The following SIGLEC11 variants were observed in gnomAD, a reference collection of about 807,000 sequenced individuals.
SIGLEC11 encodes the protein sialic acid-binding Ig-like lectin 11.
A neutral mutation model predicts 61.2 loss-of-function variants in SIGLEC11; 47 were observed. The observed-to-expected ratio is 0.77, with a 90% confidence interval of 0.61 to 0.98. The LOEUF (loss-of-function observed/expected upper bound fraction) is 0.98. Among genes scored for constraint, SIGLEC11 ranks in the 50% least tolerant of loss-of-function variants. The pLI is 0.00. For missense variants in SIGLEC11, 610 were observed against 870.3 expected, an observed-to-expected ratio of 0.70 and a Z score of 3.76; for synonymous variants, 278 against 373.1, an observed-to-expected ratio of 0.75 and a Z score of 2.94.
At position 49,958,009 on chromosome 19, in the gene SIGLEC11, C is replaced by CA. The variant is rs1026169612; in HGVS notation, c.1651+273dup. On this transcript the variant is annotated intron_variant, in intron 8 of 10. Transcript: ENST00000447370. Reference sequence around the variant, plus strand: ...CCATCTCAAAAAAAAAACCAAAAAACAAAAAAAACCCCTTCTTTGTCTTTA... The same window carrying CA: ...CCATCTCAAAAAAAAAACCAAAAAACAAAAAAAAACCCCTTCTTTGTCTTTA... Among the ~76,000 whole-genome samples the CA allele has an allele frequency of 9.2e-5, 14 of 151,480 alleles. No homozygotes were observed. The East Asian group carries it at 1.2e-3, about 13-fold the overall frequency.
At position 49,951,821 on chromosome 19, in the gene SIGLEC11, G is replaced by A. The variant is rs533409842; in HGVS notation, c.1830+70C>T. 7 of 1,331,398 alleles carry A rather than the reference G, an allele frequency of 5.3e-6. No homozygotes were observed. The African/African-American group carries it at 7.4e-5, about 14-fold the overall frequency. The allele number at this position is 1,331,398 out of a possible 1,614,324, so 82.5% of individuals were successfully genotyped here. A position where few individuals can be genotyped will look rare whatever the true frequency, so the allele number is the denominator to read the frequency against. On this transcript the variant is annotated intron_variant, in intron 10 of 10. Transcript: ENST00000447370. This position sits in a 1 kb window ranked among gnomAD's most constrained non-coding sequence, Gnocchi z 4.6. ...GCACAATGATTCTGCAAGTCACCAAGAGGACTACCCATGGCCATCAAGGAA... is the reference window on the plus strand; with the variant it reads ...GCACAATGATTCTGCAAGTCACCAAAAGGACTACCCATGGCCATCAAGGAA...
In SIGLEC11 at chr19:49,949,884, G is replaced by T; in HGVS notation, c.*86C>A. On this transcript the variant is annotated 3_prime_UTR_variant, in exon 11 of 11. Transcript: ENST00000447370. ...CAAACTCAAGCTCTTCATTGGGGAT[G>T]GGGCTGAAATCTGAGTCCAGTTCTG... The T allele has an allele frequency of 8.6e-6, 11 of 1,275,228 alleles. No individual in the cohort carries two copies. Among genetic ancestry groups the T allele is most frequent in the Non-Finnish European group, 1.1e-5 (11 of 991,040 alleles). The allele number at this position is 1,275,228 out of a possible 1,614,324, so 79.0% of individuals were successfully genotyped here.
chr19:49,958,847 G>A lies in SIGLEC11; in HGVS notation c.1159C>T (p.Leu387=), dbSNP rs1286350644. The change falls in exon 7 of 11, where the codon CTG becomes TTG. Residue 387 remains leucine, a synonymous_variant. Coordinates refer to ENST00000447370, the MANE Select transcript of SIGLEC11 (RefSeq NM_052884.3). ...CTGTGGGTGACACAGACCAGGCGCA[G>A]GCTTTGGCCCTCCAGGACCGGGAGG... ...TSLPVLEGQS[L]RLVCVTHSSP... 1.9e-6 allele frequency: 3 copies of A among 1,609,470 alleles called. No homozygotes were observed. Among genetic ancestry groups the A allele is most frequent in the Non-Finnish European group, 2.5e-6 (3 of 1,177,520 alleles).
In SIGLEC11 at chr19:49,958,843, C is replaced by A; in HGVS notation, c.1163G>T (p.Arg388Leu). ...SLPVLEGQSL[R>L]LVCVTHSSPP... is the part of the protein sequence containing the mutation. ...GCTGCTGTGGGTGACACAGACCAGG[C>A]GCAGGCTTTGGCCCTCCAGGACCGG... Residue 388 changes from arginine (R) to leucine (L), a missense_variant, in exon 7 of 11, where the codon CGC becomes CTC. By Grantham distance (102) the Arg-to-Leu change is moderately radical. Transcript: ENST00000447370. The A allele has an allele frequency of 6.2e-7, 1 of 1,610,442 alleles. No individual in the cohort carries two copies. The highest frequency in any genetic ancestry group is 8.5e-7 in the Non-Finnish European group (1 of 1,178,050).
At chr19:49,956,286 C>T (rs2076195604) in intron 8 of SIGLEC11, among the ~76,000 whole-genome samples, 1 of 152,200 alleles carries the variant, frequency 6.6e-6, no homozygotes, top group Non-Finnish European at 1.5e-5. Flanking sequence ...AACTAAACTG[C>T]TTAGGACAGC....
Position 49,950,068 on chromosome 19 carries a change from C to T in SIGLEC11, c.1999G>A (p.Glu667Lys), listed in dbSNP as rs768964376. Reference protein sequence around the residue: ...PADQEAPSTTEYSEIKIHTGQ... With the variant: ...PADQEAPSTTKYSEIKIHTGQ... ...GTGTGGATCTTGATCTCCGAGTACT[C>T]GGTGGTGCTGGGGGCCTCCTGGTCC... is the stretch of plus-strand genomic sequence containing the variant. Residue 667 changes from glutamate (E) to lysine (K), a missense_variant, in exon 11 of 11, where the codon GAG (glutamate) becomes AAG (lysine). Physicochemically the swap from Glu to Lys is moderately conservative, Grantham distance 56. Coordinates refer to ENST00000447370, the MANE Select transcript of SIGLEC11 (RefSeq NM_052884.3). The T allele has an allele frequency of 1.7e-5, 27 of 1,608,076 alleles. No individual in the cohort carries two copies. The highest frequency in any genetic ancestry group is 2.2e-5 in the South Asian group (2 of 90,498).
chr19:49,959,101 C>G (rs369087315), intron 5 of SIGLEC11, 24 bp from the exon 6 acceptor site: 7 of 1,613,568 alleles, frequency 4.3e-6, no homozygotes, highest in Admixed American at 3.3e-5. Context: ...AGGGGACCGG[C>G]TCTAGACAGA....
Position 49,952,318 on chromosome 19 carries a change from A to G in SIGLEC11, c.1728T>C (p.Cys576=), listed in dbSNP as rs2122882565. Residue 576 remains cysteine (C), a synonymous_variant, in exon 9 of 11, where the codon TGT becomes TGC. Coordinates refer to ENST00000447370, the MANE Select transcript of SIGLEC11 (RefSeq NM_052884.3). ...CTTACCTGAAGACGACAAGGCAGGAACAGAAAGCGAGCAGGGCAGCGACGC... is the reference window on the plus strand; with the variant it reads ...CTTACCTGAAGACGACAAGGCAGGAGCAGAAAGCGAGCAGGGCAGCGACGC... ...GAGVAALLAF[C]SCLVVFRVKI... The G allele has an allele frequency of 6.2e-7, 1 of 1,612,536 alleles. No individual in the cohort carries two copies. The highest frequency in any genetic ancestry group is 8.5e-7 in the Non-Finnish European group (1 of 1,179,966).
chr19:49,957,798 G>A (rs1430763557), intron 8 of SIGLEC11, among the ~76,000 whole-genome samples: 2 of 152,118 alleles, frequency 1.3e-5, no homozygotes, highest in Non-Finnish European at 2.9e-5. Context: ...TCAGGAGTTC[G>A]AGACCAGCCT....
In SIGLEC11 at chr19:49,958,745, G is replaced by A. The variant is rs571622268; in HGVS notation, c.1261C>T (p.Leu421=). 1.1e-5 allele frequency: 18 copies of A among 1,613,888 alleles called. No individual in the cohort carries two copies. Among genetic ancestry groups the A allele is most frequent in the African/African-American group, 1.3e-5 (1 of 75,044 alleles). ...TCCATTTGAATGGGTGGCAGCTCCA[G>A]GACCCCGGGGTCTGAGGGCTGGGAG... The part of the protein sequence containing the change: ...GPSQPSDPGV[L]ELPPIQMEHE... The change falls in exon 7 of 11, where the codon CTG becomes TTG. Residue 421 remains leucine, a synonymous_variant. Transcript: ENST00000447370.
In SIGLEC11 at chr19:49,950,153, T is replaced by C. The variant is rs780741341; in HGVS notation, c.1914A>G (p.Glu638=). Reference sequence around the variant, plus strand: ...GGGAGGCATAGTGGAGCTCCTGCTCTTCCCCCTTCCCCGGGGTGTAGGTGG... The same window carrying C: ...GGGAGGCATAGTGGAGCTCCTGCTCCTCCCCCTTCCCCGGGGTGTAGGTGG... ...GAATYTPGKG[E]EQELHYASLS... Residue 638 remains glutamate, a synonymous_variant, in exon 11 of 11, where the codon GAA becomes GAG. Coordinates refer to ENST00000447370, the MANE Select transcript of SIGLEC11 (RefSeq NM_052884.3). The C allele has an allele frequency of 6.8e-6, 11 of 1,611,480 alleles. 1 individual carries two copies. The highest frequency in any genetic ancestry group is 5.4e-5 in the African/African-American group (4 of 74,404).
chr19:49,949,767 G>A lies in SIGLEC11; in HGVS notation c.*203C>T, dbSNP rs2076145898. 1 of 416,280 alleles carries A rather than the reference G, an allele frequency of 2.4e-6. No homozygotes were observed. The highest frequency in any genetic ancestry group is 4.0e-6 in the Non-Finnish European group (1 of 249,202). The allele number at this position is 416,280 out of a possible 1,614,324, so 25.8% of individuals were successfully genotyped here. ...TGAAATGGGAGGCTCACTTCAACCT[G>A]GCAGGTTGAGGCTACAGTGAGCTGA... On this transcript the variant is annotated 3_prime_UTR_variant, in exon 11 of 11. Coordinates refer to ENST00000447370, the MANE Select transcript of SIGLEC11 (RefSeq NM_052884.3).
intron 8 of SIGLEC11, among the ~76,000 whole-genome samples, chr19:49,954,254 G>A (rs562773696): frequency 1.3e-5 from 2 of 152,274 alleles, no homozygotes; most frequent in East Asian, 3.9e-4. Flanking sequence ...ACAGCTGCCA[G>A]AGGAAACAGA....
chr19:49,959,003 C>T, intron 6 of SIGLEC11, 27 bp downstream of exon 6: 4 of 1,613,712 alleles, frequency 2.5e-6, no homozygotes, highest in Non-Finnish European at 3.4e-6. Flanking sequence ...CACTGAGAGG[C>T]CCTGGCTCCT....
intron 10 of SIGLEC11, among the ~76,000 whole-genome samples, chr19:49,950,666 C>A (rs2076153317): frequency 6.6e-6 from 1 of 152,168 alleles, no homozygotes; most frequent in African/African-American, 2.4e-5. Context: ...TGTGCCAGCC[C>A]CTGGATATTC....
Position 49,958,467 on chromosome 19 carries a change from A to C in SIGLEC11, c.1467T>G (p.Leu489=), listed in dbSNP as rs950062731. Reference sequence around the variant, plus strand: ...TGTTCCCCTCCAGCAGCTCCTCCCCAAGCCACCAGCGCAGAGAGGGGGCCG... The same window carrying C: ...TGTTCCCCTCCAGCAGCTCCTCCCCCAGCCACCAGCGCAGAGAGGGGGCCG... The part of the protein sequence containing the change: ...ASPAPSLRWW[L]GEELLEGNSS... The change falls in exon 8 of 11, where the codon CTT becomes CTG. Residue 489 remains leucine, a synonymous_variant. Transcript: ENST00000447370. 1 of 1,612,782 alleles carries C rather than the reference A, an allele frequency of 6.2e-7. No homozygotes were observed. The highest frequency in any genetic ancestry group is 1.3e-5 in the African/African-American group (1 of 74,872).
intron 5 of SIGLEC11, 55 bp from the exon 6 acceptor site, chr19:49,959,132 A>G (rs886178332): frequency 4.4e-6 from 7 of 1,604,516 alleles, no homozygotes; most frequent in Non-Finnish European, 4.3e-6. Context: ...CCCTCTGGGT[A>G]AAGGGAACTA....
In SIGLEC11 at chr19:49,959,085, G is replaced by A. The variant is rs750055282; in HGVS notation, c.1058-8C>T. On this transcript the variant is annotated splice_region_variant and splice_polypyrimidine_tract_variant and intron_variant, in intron 5 of 10. Coordinates refer to ENST00000447370, the MANE Select transcript of SIGLEC11 (RefSeq NM_052884.3). ...TCAGGTTCTCTGGAGGATCTGAAAT[G>A]GAGACAGGGGACCGGCTCTAGACAG... The A allele has an allele frequency of 4.0e-5, 65 of 1,613,740 alleles. No individual in the cohort carries two copies. The highest frequency in any genetic ancestry group is 5.1e-5 in the Non-Finnish European group (60 of 1,179,822).
At chr19:49,953,392 G>C (rs1038577538) in intron 8 of SIGLEC11, among the ~76,000 whole-genome samples, 1 of 152,114 alleles carries the variant, frequency 6.6e-6, no homozygotes. Context: ...AGCGAGAGTG[G>C]CTCGTCGATT....
Sources: allele counts gnomAD v4.1 joint callset (sites outside exome capture counted in the v4.1 genomes callset), GRCh38; gene constraint gnomAD v4.1.1; non-coding constraint Gnocchi (gnomAD v3.1); transcripts MANE v1.5; gene names NCBI Gene and HGNC (gene_info 2026-07-23, HGNC 2026-07-21).